Variants in DCN observed in about 807,000 individuals in gnomAD.
DCN encodes the protein bone proteoglycan II.
DCN carries 17 observed loss-of-function variants against 36.5 expected under a neutral mutation model. The observed-to-expected ratio is 0.47, with a 90% CI of 0.32 to 0.70. DCN has a LOEUF of 0.70. Among genes scored for constraint, DCN ranks in the 30% least tolerant of loss-of-function variants. DCN has a pLI of 0.04. For synonymous variants in DCN, 163 were observed against 161.4 expected (o/e 1.01, Z -0.07); for missense variants, 389 against 430.1 (o/e 0.90, Z 0.84).
chr12:91,152,351 C>T lies in DCN; in HGVS notation c.747-559G>A, dbSNP rs148080296. 3.0e-3 allele frequency among the ~76,000 whole-genome samples: 460 copies of T among 151,078 alleles called. 4 individuals are homozygous for T. Among genetic ancestry groups the T allele is most frequent in the Non-Finnish European group, 4.7e-3 (321 of 67,958 alleles). ...GATATATTTTATATTTATTTATCCA[C>T]CATGAAATTTATATATAACAACAGG... is the stretch of plus-strand genomic sequence containing the variant. On this transcript the variant is annotated intron_variant, in intron 6 of 7. Coordinates refer to ENST00000052754, the MANE Select transcript of DCN (RefSeq NM_001920.5).
intron 3 of DCN, among the ~76,000 whole-genome samples, chr12:91,159,643 T>G (rs974013766): frequency 4.6e-5 from 7 of 152,196 alleles, no homozygotes; most frequent in Middle Eastern, 3.4e-3. Flanking sequence ...GTTAATATTT[T>G]GGGTAATTAT....
chr12:91,181,037 A>G (rs1391347568), intron 1 of DCN: 1 of 152,142 alleles, frequency 6.6e-6, no homozygotes, highest in Non-Finnish European at 1.5e-5. Context: ...TTAAAATGGT[A>G]CAAATTCTCC....
chr12:91,153,322 A>G (rs1881556159), intron 5 of DCN, 133 bp from the exon 6 acceptor site: 2 of 674,816 alleles, frequency 3.0e-6, no homozygotes, highest in Non-Finnish European at 5.4e-6. Context: ...CTTTACTTTT[A>G]TCTTTTTTTT....
chr12:91,164,400 CAA>C (rs5799980), intron 3 of DCN, among the ~76,000 whole-genome samples: 2,667 of 78,870 alleles, frequency 0.034, 85 homozygotes, highest in African/African-American at 0.1. Context: ...AAGCATAATT[CAA>C]AAAAAAAAAA....
chr12:91,176,070 G>T (rs1883271106), intron 2 of DCN: 2 of 152,024 alleles, frequency 1.3e-5, no homozygotes, highest in Non-Finnish European at 1.5e-5. Flanking sequence ...TTAGATAATA[G>T]TTAAAAACAT....
chr12:91,147,353 C>A (rs1465984472), intron 7 of DCN, among the ~76,000 whole-genome samples: 2 of 152,178 alleles, frequency 1.3e-5, no homozygotes, highest in Non-Finnish European at 2.9e-5. Context: ...CTTCCCTGAC[C>A]ATCCCATTCT....
intron 7 of DCN, 55 bp downstream of exon 7, chr12:91,151,599 G>C (rs1881422644): frequency 1.0e-5 from 16 of 1,606,646 alleles, no homozygotes; most frequent in Non-Finnish European, 1.4e-5. Context: ...CCCATAAGCA[G>C]GGTGGGGGTC....
chr12:91,153,194 A>G lies in DCN; in HGVS notation c.653-5T>C, dbSNP rs761142605. ...CCGTAAGGGAAGGAGGAAGACCTGG[A>G]ATGTGGAATTAAAGATGTTAAATTA... On this transcript the variant is annotated splice_region_variant and splice_polypyrimidine_tract_variant and intron_variant, in intron 5 of 7. Coordinates refer to ENST00000052754, the MANE Select transcript of DCN (RefSeq NM_001920.5). The G allele has an allele frequency of 2.0e-6, 3 of 1,529,220 alleles. No homozygotes were observed. The Admixed American group carries it at 5.0e-5, about 26-fold the overall frequency. The allele number at this position is 1,529,220 out of a possible 1,614,324, so 94.7% of individuals were successfully genotyped here. A position where few individuals can be genotyped will look rare whatever the true frequency, so the allele number is the denominator to read the frequency against.
chr12:91,170,703 T>A (rs1238964726), intron 2 of DCN, among the ~76,000 whole-genome samples: 3 of 152,226 alleles, frequency 2.0e-5, no homozygotes, highest in African/African-American at 7.2e-5. Context: ...TCAACTTGGC[T>A]GTTAAGGAGA....
At chr12:91,155,316 A>G (rs1028415785) in intron 5 of DCN, among the ~76,000 whole-genome samples, 1 of 152,184 alleles carries the variant, frequency 6.6e-6, no homozygotes, top group Non-Finnish European at 1.5e-5. Flanking sequence ...ATCATATAGA[A>G]GACTCCATGA....
At chr12:91,148,192 G>A (rs1881158100) in intron 7 of DCN, among the ~76,000 whole-genome samples, 1 of 151,608 alleles carries the variant, frequency 6.6e-6, no homozygotes, top group Non-Finnish European at 1.5e-5. Context: ...TCCTGCCTCA[G>A]CCTCCCGAGT....
rs750223804 is a variant in DCN at position 91,145,709 on chromosome 12, A to G, written c.*349T>C. The G allele has an allele frequency of 7.5e-6, 3 of 399,240 alleles. No individual in the cohort carries two copies. The highest frequency in any genetic ancestry group is 1.4e-5 in the Non-Finnish European group (3 of 208,304). The allele number at this position is 399,240 out of a possible 1,614,324, so 24.7% of individuals were successfully genotyped here. A position where few individuals can be genotyped will look rare whatever the true frequency, so the allele number is the denominator to read the frequency against. ...GAGCTAACTGCTCAATGAATTACAGAAGACTCATACTCTTTTTATTTTTTC... is the reference window on the plus strand; with the variant it reads ...GAGCTAACTGCTCAATGAATTACAGGAGACTCATACTCTTTTTATTTTTTC... On this transcript the variant is annotated 3_prime_UTR_variant, in exon 8 of 8. Transcript: ENST00000052754.
chr12:91,154,403 A>T (rs995670328), intron 5 of DCN, among the ~76,000 whole-genome samples: 3 of 151,908 alleles, frequency 2.0e-5, no homozygotes, highest in Admixed American at 6.6e-5. Flanking sequence ...AATAAATAAG[A>T]CTCAAAGTTA....
At chr12:91,148,228 C>T (rs986920370) in intron 7 of DCN, among the ~76,000 whole-genome samples, 1 of 151,994 alleles carries the variant, frequency 6.6e-6, no homozygotes. Flanking sequence ...CGCCCACCAC[C>T]ACGCCCGGCT....
At position 91,178,198 on chromosome 12, in the gene DCN, C is replaced by G. The variant is rs1883411802; in HGVS notation, c.211+144G>C. On this transcript the variant is annotated intron_variant, in intron 2 of 7. Coordinates refer to ENST00000052754, the MANE Select transcript of DCN (RefSeq NM_001920.5). ...CAACAACGCTACTTTTCTTTCTATC[C>G]TGTTCTGCTTCCTTTACTCCTCATT... The G allele has an allele frequency of 2.2e-5, 16 of 732,436 alleles. No homozygotes were observed. The South Asian group carries it at 2.5e-4, about 11-fold the overall frequency. 45.4% of individuals were successfully genotyped at this position (732,436 alleles called of 1,614,324 possible).
At chr12:91,155,304 G>T (rs1015270998) in intron 5 of DCN, among the ~76,000 whole-genome samples, 1 of 152,078 alleles carries the variant, frequency 6.6e-6, no homozygotes, top group Non-Finnish European at 1.5e-5. Flanking sequence ...GACGTTGTAA[G>T]AATCATATAG....
intron 7 of DCN, 153 bp downstream of exon 7, chr12:91,151,501 A>AT (rs926556380): frequency 1.2e-4 from 96 of 804,856 alleles, no homozygotes; most frequent in Middle Eastern, 2.4e-4. Flanking sequence ...TCATGATTTA[A>AT]TTTTTTTTAT....
chr12:91,152,455 T>C (rs989136240), intron 6 of DCN, among the ~76,000 whole-genome samples: 1 of 152,120 alleles, frequency 6.6e-6, no homozygotes, highest in Admixed American at 6.5e-5. Context: ...GAACATAGTG[T>C]TCCTTGAAGA....
intron 3 of DCN, among the ~76,000 whole-genome samples, 167 bp downstream of exon 3, chr12:91,164,438 G>C (rs1425327040): frequency 7.2e-6 from 1 of 138,100 alleles, no homozygotes; most frequent in African/African-American, 2.7e-5. Flanking sequence ...AACAGTGTTT[G>C]GGGCAGAATT....
Sources: gnomAD v4.1 joint callset for allele counts (sites outside exome capture counted in the v4.1 genomes callset) on GRCh38, gnomAD v4.1.1 for gene constraint, MANE v1.5 for transcripts, NCBI Gene and HGNC (gene_info 2026-07-23, HGNC 2026-07-21) for gene names.